Variants in SLX4 observed in about 807,000 individuals in gnomAD.
SLX4 encodes the protein structure-specific endonuclease subunit SLX4.
Under a neutral mutation model 146.2 loss-of-function variants are expected in SLX4, and 112 were observed. The ratio of observed to expected loss-of-function variants is 0.77; its 90% CI spans 0.66 to 0.90. The LOEUF is 0.90. Among genes scored for constraint, SLX4 ranks in the 40% least tolerant of loss-of-function variants. SLX4 has a pLI of 0.00. For synonymous variants in SLX4, 1,061 were observed against 997.7 expected (o/e 1.06, Z -1.20); for missense variants, 2,563 against 2,392.7 (o/e 1.07, Z -1.49).
Position 3,591,243 on chromosome 16 carries a change from G to A in SLX4, c.2395C>T (p.Pro799Ser). The A allele has an allele frequency of 1.2e-6, 2 of 1,613,376 alleles. No homozygotes were observed. Among genetic ancestry groups the A allele is most frequent in the South Asian group, 1.1e-5 (1 of 91,080 alleles). Residue 799 changes from proline (P) to serine (S), a missense_variant, in exon 12 of 15, where the codon CCA becomes TCA. Coordinates refer to ENST00000294008, the MANE Select transcript of SLX4 (RefSeq NM_032444.4). ...VPIATDSEGK[P>S]WEEKEAENCE... ...TTCTCTGCTTCCTTCTCCTCCCATG[G>A]TTTGCCCTCTGAGTCAGTGGCAATA...
At chr16:3,594,827 C>T (rs533124381) in intron 9 of SLX4, among the ~76,000 whole-genome samples, 10 of 152,320 alleles carry the variant, frequency 6.6e-5, no homozygotes, top group African/African-American at 2.4e-4. Context: ...TGGCTCTTGC[C>T]AGTGGGTTCC....
In SLX4 at chr16:3,600,823, T is replaced by G. The variant is rs796173184; in HGVS notation, c.1163+156A>C. ...GTCGGCCAGGCTGGTATCGAACTCCTGATCTAAGGTGATCTGCCCACCTTG... is the reference window on the plus strand; with the variant it reads ...GTCGGCCAGGCTGGTATCGAACTCCGGATCTAAGGTGATCTGCCCACCTTG... On this transcript the variant is annotated intron_variant, in intron 5 of 14. Coordinates refer to ENST00000294008, the MANE Select transcript of SLX4 (RefSeq NM_032444.4). 6.9e-6 allele frequency: 5 copies of G among 720,192 alleles called. No individual in the cohort carries two copies. In the African/African-American group the frequency reaches 7.1e-5, roughly 10 times the overall value. The allele number at this position is 720,192 out of a possible 1,614,324, so 44.6% of individuals were successfully genotyped here.
intron 8 of SLX4, 52 bp downstream of exon 8, chr16:3,596,101 G>C (rs1348385704): frequency 6.5e-7 from 1 of 1,531,880 alleles, no homozygotes; most frequent in Non-Finnish European, 8.8e-7. Flanking sequence ...GCCGCGGGGA[G>C]GGGAGGCCCG....
At chr16:3,610,390 A>G (rs1402181684) in intron 1 of SLX4, among the ~76,000 whole-genome samples, 1 of 152,182 alleles carries the variant, frequency 6.6e-6, no homozygotes, top group African/African-American at 2.4e-5. Flanking sequence ...TCACAATGGC[A>G]TCTGTCATAG....
In SLX4 at chr16:3,596,321, C is replaced by T. The variant is rs764210911; in HGVS notation, c.1756G>A (p.Ala586Thr). 31 of 1,583,508 alleles carry T rather than the reference C, an allele frequency of 2.0e-5. No homozygotes were observed. Among genetic ancestry groups the T allele is most frequent in the Non-Finnish European group, 2.4e-5 (28 of 1,165,492 alleles). Residue 586 changes from alanine (A) to threonine (T), a missense_variant, in exon 8 of 15, where the codon GCT becomes ACT. Ala to Thr is a moderately conservative substitution (Grantham distance 58, BLOSUM62 0). Coordinates refer to ENST00000294008, the MANE Select transcript of SLX4 (RefSeq NM_032444.4). Reference sequence around the variant, plus strand: ...CCTGCAGTGGGGGTGCCGTGGAGAGCGGGTGACCTTCGCTCGCTCAGCTCT... The same window carrying T: ...CCTGCAGTGGGGGTGCCGTGGAGAGTGGGTGACCTTCGCTCGCTCAGCTCT... ...HSELSERRSP[A>T]LHGTPTAGCG...
chr16:3,589,623 C>T lies in SLX4; in HGVS notation c.4015G>A (p.Gly1339Ser). Residue 1339 changes from glycine (G) to serine (S), a missense_variant, in exon 12 of 15, where the codon GGC becomes AGC. Transcript: ENST00000294008. The surrounding 1 kb of genome is among the most constrained non-coding windows in gnomAD (Gnocchi z 6.2). ...SPGTSDGRRQGHRSPSRPHPG... is the reference protein window; with the variant it reads ...SPGTSDGRRQSHRSPSRPHPG... The stretch of plus-strand genomic sequence containing the variant: ...TGGGGACGGGAAGGGCTTCTGTGGC[C>T]TTGCCTTCTGCCGTCAGAAGTTCCT... 6.2e-7 allele frequency: 1 copy of T among 1,613,956 alleles called. No individual in the cohort carries two copies. The highest frequency in any genetic ancestry group is 8.5e-7 in the Non-Finnish European group (1 of 1,180,038).
rs2040467605 is a variant in SLX4 at position 3,583,459 on chromosome 16, C to T, written c.4791G>A (p.Glu1597=). 1.9e-6 allele frequency: 3 copies of T among 1,614,190 alleles called. No homozygotes were observed. The highest frequency in any genetic ancestry group is 1.3e-5 in the African/African-American group (1 of 75,042). ...GGGTCTGGTGAGTGTACTGGAATAT[C>T]TCCTTCAGCTTCAGAACCATCTGGC... ...PKRQMVLKLK[E]IFQYTHQTLD... is the part of the protein sequence containing the mutation. Residue 1597 remains glutamate (E), a synonymous_variant, in exon 14 of 15, where the codon GAG becomes GAA. Coordinates refer to ENST00000294008, the MANE Select transcript of SLX4 (RefSeq NM_032444.4).
rs1202478927 is a variant in SLX4 at position 3,589,390 on chromosome 16, G to C, written c.4248C>G (p.Asp1416Glu). Residue 1416 changes from aspartate to glutamate, a missense_variant, in exon 12 of 15, where the codon GAC (aspartate) becomes GAG (glutamate). Asp to Glu is a conservative substitution (Grantham distance 45). Transcript: ENST00000294008. The surrounding 1 kb of genome is among the most constrained non-coding windows in gnomAD (Gnocchi z 6.2). ...SHQANRSPPL[D>E]SDPPIPIDDC... is the part of the protein sequence containing the mutation. ...CGTCAATTGGAATTGGGGGGTCACT[G>C]TCCAGTGGGGGGCTTCTGTTGGCCT... 2 of 1,597,748 alleles carry C rather than the reference G, an allele frequency of 1.3e-6. No homozygotes were observed. The highest frequency in any genetic ancestry group is 1.7e-6 in the Non-Finnish European group (2 of 1,169,182).
Position 3,582,204 on chromosome 16 carries a change from A to T in SLX4, c.*138T>A. ...TGGATTGGGCTGTGGTCATCATCAC[A>T]GCGCAGAGCTGATGTGGTCCCCAGG... is the stretch of plus-strand genomic sequence containing the variant. On this transcript the variant is annotated 3_prime_UTR_variant, in exon 15 of 15. Transcript: ENST00000294008. 2 of 694,104 alleles carry T rather than the reference A, an allele frequency of 2.9e-6. No homozygotes were observed. Among genetic ancestry groups the T allele is most frequent in the Non-Finnish European group, 4.9e-6 (2 of 406,144 alleles). The allele number at this position is 694,104 out of a possible 1,614,324, so 43.0% of individuals were successfully genotyped here. A position where few individuals can be genotyped will look rare whatever the true frequency, so the allele number is the denominator to read the frequency against.
chr16:3,599,693 C>A (rs1421785122), intron 5 of SLX4, among the ~76,000 whole-genome samples: 1 of 152,172 alleles, frequency 6.6e-6, no homozygotes, highest in Non-Finnish European at 1.5e-5. Flanking sequence ...CTCAAGTGAT[C>A]CTTCCGCCTC....
intron 11 of SLX4, 124 bp downstream of exon 11, chr16:3,592,575 A>T: frequency 8.7e-7 from 1 of 1,144,232 alleles, no homozygotes; most frequent in Non-Finnish European, 1.3e-6. Flanking sequence ...TGGGATTAAA[A>T]GGTATAAACA....
chr16:3,592,889 G>C, intron 10 of SLX4, 24 bp from the exon 11 acceptor site: 1 of 1,601,158 alleles, frequency 6.2e-7, no homozygotes. Flanking sequence ...GCAACACAGA[G>C]GGTTTACTGA....
chr16:3,606,740 G>A (rs750239481), intron 2 of SLX4, 42 bp from the exon 3 acceptor site: 1 of 1,605,040 alleles, frequency 6.2e-7, no homozygotes. Context: ...GTTGTAGCTG[G>A]AGAAATAAAA....
chr16:3,596,444 A>G, intron 7 of SLX4, 51 bp from the exon 8 acceptor site: 1 of 1,541,880 alleles, frequency 6.5e-7, no homozygotes, highest in African/African-American at 1.4e-5. Flanking sequence ...TCATTGACGC[A>G]CACACTGCAG....
At chr16:3,606,341 G>T in intron 3 of SLX4, 133 bp downstream of exon 3, 1 of 963,428 alleles carries the variant, frequency 1.0e-6, no homozygotes, top group Non-Finnish European at 1.7e-6. Flanking sequence ...CCAGTGAAGT[G>T]GCAAAGGTAA....
chr16:3,591,225 C>T lies in SLX4; in HGVS notation c.2413G>A (p.Ala805Thr). ...TCGGCCCTGCTTTCGCAATTCTCTG[C>T]TTCCTTCTCCTCCCATGGTTTGCCC... ...SEGKPWEEKE[A>T]ENCESRAENF... is the part of the protein sequence containing the mutation. Residue 805 changes from alanine (A) to threonine (T), a missense_variant, in exon 12 of 15, where the codon GCA becomes ACA. By Grantham distance (58) the Ala-to-Thr change is moderately conservative. Transcript: ENST00000294008. The T allele has an allele frequency of 2.5e-6, 4 of 1,613,820 alleles. No homozygotes were observed. The highest frequency in any genetic ancestry group is 3.4e-6 in the Non-Finnish European group (4 of 1,180,048).
rs2040568630 is a variant in SLX4 at position 3,590,294 on chromosome 16, A to G, written c.3344T>C (p.Leu1115Pro). The G allele has an allele frequency of 6.2e-7, 1 of 1,613,966 alleles. No homozygotes were observed. Among genetic ancestry groups the G allele is most frequent in the East Asian group, 2.2e-5 (1 of 44,852 alleles). ...SVLECRNKGV[L>P]MFPEKSPSID... is the part of the protein sequence containing the mutation. ...AGACGGAGATTTTTCTGGGAACATCAGGACCCCCTTATTTCTGCACTCCAG... is the reference window on the plus strand; with the variant it reads ...AGACGGAGATTTTTCTGGGAACATCGGGACCCCCTTATTTCTGCACTCCAG... Residue 1115 changes from leucine to proline, a missense_variant, in exon 12 of 15, where the codon CTG becomes CCG. Leu to Pro is a moderately conservative substitution (Grantham distance 98). Coordinates refer to ENST00000294008, the MANE Select transcript of SLX4 (RefSeq NM_032444.4). This position sits in a 1 kb window ranked among gnomAD's most constrained non-coding sequence, Gnocchi z 4.8.
rs886051979 is a variant in SLX4 at position 3,597,838 on chromosome 16, C to A, written c.1325G>T (p.Arg442Met). The A allele has an allele frequency of 6.2e-7, 1 of 1,614,156 alleles. No homozygotes were observed. The highest frequency in any genetic ancestry group is 1.1e-5 in the South Asian group (1 of 91,084). ...MEPGAAVPAL[R>M]LESAFSERIR... ...CCTCTCAGAAAAGGCACTTTCCAGC[C>A]TGAGCGCTGGTACAGCCGCACCCGG... Residue 442 changes from arginine to methionine, a missense_variant, in exon 6 of 15, where the codon AGG (arginine) becomes ATG (methionine). Transcript: ENST00000294008. This position sits in a 1 kb window ranked among gnomAD's most constrained non-coding sequence, Gnocchi z 4.4.
In SLX4 at chr16:3,590,647, C is replaced by A. The variant is rs770736311; in HGVS notation, c.2991G>T (p.Pro997=). 6.2e-7 allele frequency: 1 copy of A among 1,614,174 alleles called. No individual in the cohort carries two copies. The highest frequency in any genetic ancestry group is 8.5e-7 in the Non-Finnish European group (1 of 1,180,038). ...FSSTQGEISE[P]SQITSEPEEQ... ...CCTCGGGCTCACTTGTTATTTGGGA[C>A]GGCTCTGAGATCTCTCCCTGAGTTG... Residue 997 remains proline, a synonymous_variant, in exon 12 of 15, where the codon CCG becomes CCT. Coordinates refer to ENST00000294008, the MANE Select transcript of SLX4 (RefSeq NM_032444.4). This position sits in a 1 kb window ranked among gnomAD's most constrained non-coding sequence, Gnocchi z 4.8.
Sources: gnomAD v4.1 joint callset for allele counts (sites outside exome capture counted in the v4.1 genomes callset) on GRCh38, gnomAD v4.1.1 for gene constraint, Gnocchi (gnomAD v3.1) non-coding constraint, MANE v1.5 for transcripts, NCBI Gene and HGNC (gene_info 2026-07-23, HGNC 2026-07-21) for gene names.